The following ADAM18 variants were observed in gnomAD, a reference collection of about 807,000 sequenced individuals.
ADAM18 encodes disintegrin and metalloproteinase domain-containing protein 18.
A neutral mutation model predicts 94.4 loss-of-function variants in ADAM18; 117 were observed. The ratio of observed to expected loss-of-function variants is 1.24; its 90% confidence interval spans 1.07 to 1.45. The LOEUF (loss-of-function observed/expected upper bound fraction) is 1.45, where lower values mean the gene tolerates loss of function less well. Ranked by LOEUF, ADAM18 falls within the 40% of genes most tolerant of loss-of-function variation. The pLI is 0.00. For synonymous variants in ADAM18, 327 were observed against 291.6 expected (o/e 1.12, Z -1.24); for missense variants, 936 against 880.0 (o/e 1.06, Z -0.81).
chr8:39,639,307 C>T (rs2129579350), intron 10 of ADAM18, among the ~76,000 whole-genome samples: 1 of 152,056 alleles, frequency 6.6e-6, no homozygotes, highest in African/African-American at 2.4e-5. Context: ...TATCCAATTG[C>T]CTTTGTTTAA....
intron 6 of ADAM18, among the ~76,000 whole-genome samples, chr8:39,616,984 A>G (rs1819461150): frequency 6.6e-6 from 1 of 152,222 alleles, no homozygotes; most frequent in African/African-American, 2.4e-5. Context: ...AAGATACCAA[A>G]AGCAATTGTA....
intron 2 of ADAM18, among the ~76,000 whole-genome samples, chr8:39,585,952 C>A (rs149996021): frequency 6.6e-6 from 1 of 152,218 alleles, no homozygotes; most frequent in East Asian, 1.9e-4. Flanking sequence ...GATTGAAACA[C>A]CTGAAATTGA....
At chr8:39,687,215 A>G (rs76497288) in intron 16 of ADAM18, among the ~76,000 whole-genome samples, 2,861 of 152,314 alleles carry the variant, frequency 0.019, 86 homozygotes, top group African/African-American at 0.065. Context: ...AACATTGAAA[A>G]TATGTCTATG....
intron 12 of ADAM18, among the ~76,000 whole-genome samples, chr8:39,650,730 A>G (rs985068876): frequency 6.6e-6 from 1 of 152,220 alleles, no homozygotes; most frequent in Non-Finnish European, 1.5e-5. Flanking sequence ...CTACATGTTC[A>G]ATGTAATCTC....
chr8:39,614,743 T>A (rs1819387177), intron 6 of ADAM18, among the ~76,000 whole-genome samples: 1 of 152,136 alleles, frequency 6.6e-6, no homozygotes, highest in Admixed American at 6.6e-5. Context: ...CACCCATAGA[T>A]TCAAAGCAAG....
rs1010099860 is a variant in ADAM18 at position 39,593,531 on chromosome 8, TA to T, written c.132+8189del. 4.2e-3 allele frequency among the ~76,000 whole-genome samples: 620 copies of T among 148,388 alleles called. 3 individuals carry two copies. Among genetic ancestry groups the T allele is most frequent in the African/African-American group, 0.014 (555 of 40,604 alleles). Reference sequence around the variant, plus strand: ...TATTCAAAACAGTATGGTTTTGTCATAAAAAAAAAATCAGACATGTAGACCA... The same window carrying T: ...TATTCAAAACAGTATGGTTTTGTCATAAAAAAAAATCAGACATGTAGACCA... On this transcript the variant is annotated intron_variant, in intron 2 of 19. Transcript: ENST00000265707.
chr8:39,642,510 G>A (rs1400312393), intron 10 of ADAM18, among the ~76,000 whole-genome samples: 1 of 151,856 alleles, frequency 6.6e-6, no homozygotes, highest in Non-Finnish European at 1.5e-5. Context: ...ATTAAATAGA[G>A]AATTCTTTCC....
intron 12 of ADAM18, among the ~76,000 whole-genome samples, chr8:39,649,454 G>A (rs571345209): frequency 7.8e-4 from 119 of 151,874 alleles, no homozygotes; most frequent in Non-Finnish European, 1.6e-3. Flanking sequence ...GCTGTACTGT[G>A]CTCATCTTGC....
chr8:39,594,793 G>GTT (rs71237182), intron 2 of ADAM18, among the ~76,000 whole-genome samples: 93 of 46,858 alleles, frequency 2.0e-3, no homozygotes, highest in African/African-American at 6.7e-3. Flanking sequence ...TTTGCTGTGA[G>GTT]TTTTTTTTTT....
chr8:39,597,621 G>A (rs1244759285), intron 2 of ADAM18, among the ~76,000 whole-genome samples: 2 of 151,858 alleles, frequency 1.3e-5, no homozygotes, highest in Non-Finnish European at 2.9e-5. Context: ...TCTTTTTTCT[G>A]TTCCATTATT....
chr8:39,694,689 C>A (rs1253854112), intron 17 of ADAM18, among the ~76,000 whole-genome samples: 1 of 151,370 alleles, frequency 6.6e-6, no homozygotes, highest in Non-Finnish European at 1.5e-5. Flanking sequence ...GCTCCCTCTC[C>A]CTCTCTGCTT....
intron 2 of ADAM18, among the ~76,000 whole-genome samples, chr8:39,602,466 C>T (rs1818935064): frequency 6.6e-6 from 1 of 152,244 alleles, no homozygotes; most frequent in South Asian, 2.1e-4. Context: ...CAGTTCCACC[C>T]TTACTGGAAC....
intron 2 of ADAM18, among the ~76,000 whole-genome samples, chr8:39,599,002 G>A (rs1818825829): frequency 6.6e-6 from 1 of 151,926 alleles, no homozygotes; most frequent in South Asian, 2.1e-4. Context: ...GTGGAGACAG[G>A]GTTTCGCCAT....
At chr8:39,715,690 T>G (rs1277176563) in intron 18 of ADAM18, among the ~76,000 whole-genome samples, 1 of 151,982 alleles carries the variant, frequency 6.6e-6, no homozygotes, top group African/African-American at 2.4e-5. Context: ...TATTTTATAA[T>G]CTTTATAAAA....
At chr8:39,722,656 T>C (rs1822792896) in intron 18 of ADAM18, among the ~76,000 whole-genome samples, 1 of 151,568 alleles carries the variant, frequency 6.6e-6, no homozygotes, top group Non-Finnish European at 1.5e-5. Context: ...AAAACTGCAC[T>C]TGTACCTCCT....
chr8:39,605,731 T>G, intron 2 of ADAM18: 1 of 228,720 alleles, frequency 4.4e-6, no homozygotes, highest in Non-Finnish European at 8.7e-6. Context: ...TTTATAGGTT[T>G]TTGGGGAGCA....
intron 6 of ADAM18, among the ~76,000 whole-genome samples, chr8:39,621,121 G>A (rs181478721): frequency 3.3e-5 from 5 of 151,984 alleles, no homozygotes; most frequent in Admixed American, 1.3e-4. Context: ...AAAACATTAA[G>A]AGGCATTTCA....
At chr8:39,694,841 C>A (rs537286493) in intron 17 of ADAM18, among the ~76,000 whole-genome samples, 1 of 151,564 alleles carries the variant, frequency 6.6e-6, no homozygotes, top group African/African-American at 2.4e-5. Context: ...ATATATAGGT[C>A]TTTCAAAATA....
chr8:39,637,917 A>G (rs1195723401), intron 9 of ADAM18, among the ~76,000 whole-genome samples: 2 of 152,020 alleles, frequency 1.3e-5, no homozygotes, highest in Non-Finnish European at 2.9e-5. Flanking sequence ...TGTAAGTATT[A>G]TTTCAAAAAC....
Sources: allele counts gnomAD v4.1 joint callset (sites outside exome capture counted in the v4.1 genomes callset), GRCh38; gene constraint gnomAD v4.1.1; transcripts MANE v1.5; gene names NCBI Gene and HGNC (gene_info 2026-07-23, HGNC 2026-07-21).